The following METTL2A variants were observed in gnomAD, a reference collection of about 807,000 sequenced individuals.
METTL2A encodes methyltransferase 2A, tRNA N3-cytidine.
METTL2A carries 45 observed loss-of-function variants against 49.4 expected under a neutral mutation model. That is an observed-to-expected ratio of 0.91 (90% CI 0.72 to 1.17). The LOEUF is 1.17. METTL2A is among the 50% of genes most tolerant of loss of function. The pLI is 0.00. For missense variants in METTL2A, 361 were observed against 462.2 expected, an observed-to-expected ratio of 0.78 and a Z score of 2.01; for synonymous variants, 118 against 167.5, an observed-to-expected ratio of 0.70 and a Z score of 2.28.
chr17:62,431,973 C>T (rs1329495211), intron 4 of METTL2A, among the ~76,000 whole-genome samples: 1 of 152,182 alleles, frequency 6.6e-6, no homozygotes, highest in Non-Finnish European at 1.5e-5. Context: ...CCTGCCTCGG[C>T]CTGCCAAAGT....
intron 2 of METTL2A, 67 bp downstream of exon 2, chr17:62,424,377 G>A (rs988867066): frequency 1.2e-6 from 2 of 1,602,844 alleles, no homozygotes; most frequent in Non-Finnish European, 1.7e-6. Flanking sequence ...CTCCCGGAGA[G>A]GCCAGGGAAC....
chr17:62,444,374 G>A (rs1025604964), intron 6 of METTL2A, among the ~76,000 whole-genome samples: 6 of 152,228 alleles, frequency 3.9e-5, no homozygotes, highest in African/African-American at 1.2e-4. Flanking sequence ...CCACCTCCCA[G>A]GTTCCAGAAA....
intron 4 of METTL2A, among the ~76,000 whole-genome samples, chr17:62,433,371 T>G (rs1229489761): frequency 6.6e-6 from 1 of 150,408 alleles, no homozygotes; most frequent in Admixed American, 6.7e-5. Flanking sequence ...GAGTGGAGGT[T>G]GCAGTGAGCT....
chr17:62,423,915 T>C lies in METTL2A; in HGVS notation c.13T>C (p.Tyr5His), dbSNP rs763266862. ...CGGCTCCGGTGTCATGGCCGGCTCCTACCCTGAAGGTGCACCTGCAGTCCT... is the reference window on the plus strand; with the variant it reads ...CGGCTCCGGTGTCATGGCCGGCTCCCACCCTGAAGGTGCACCTGCAGTCCT... MAGS[Y>H]PEGAPAVLAD... Residue 5 changes from tyrosine (Y) to histidine (H), a missense_variant, in exon 1 of 9, where the codon TAC becomes CAC. By Grantham distance (83) the Tyr-to-His change is moderately conservative. Coordinates refer to ENST00000311506, the MANE Select transcript of METTL2A (RefSeq NM_181725.4). The C allele has an allele frequency of 6.2e-7, 1 of 1,612,852 alleles. No homozygotes were observed. The highest frequency in any genetic ancestry group is 1.1e-5 in the South Asian group (1 of 90,792).
At position 62,437,744 on chromosome 17, in the gene METTL2A, C is replaced by G. The variant is rs1268379922; in HGVS notation, c.669+2452C>G. On this transcript the variant is annotated intron_variant, in intron 5 of 8. Transcript: ENST00000311506. ...ATCCCAGCACTTTGGGAGGCCAAGG[C>G]CAGCGGATCACGAGGTCAGGAGTTC... Among the ~76,000 whole-genome samples, 3 of 151,926 alleles carry G rather than the reference C, an allele frequency of 2.0e-5. No individual in the cohort carries two copies. In the East Asian group the frequency reaches 5.8e-4, roughly 29 times the overall value.
intron 4 of METTL2A, chr17:62,434,731 C>T (rs2070689502): frequency 6.3e-6 from 1 of 158,366 alleles, no homozygotes; most frequent in Non-Finnish European, 1.4e-5. Context: ...ATCTTTATCT[C>T]CTCAGCATCT....
chr17:62,432,078 C>T (rs946202431), intron 4 of METTL2A, among the ~76,000 whole-genome samples: 6 of 152,124 alleles, frequency 3.9e-5, no homozygotes, highest in African/African-American at 1.2e-4. Context: ...CAGTCAACTT[C>T]AGGACATTTT....
chr17:62,426,455 A>G lies in METTL2A; in HGVS notation c.359A>G (p.Lys120Arg). 5.0e-6 allele frequency: 8 copies of G among 1,614,152 alleles called. No individual in the cohort carries two copies. The highest frequency in any genetic ancestry group is 5.9e-6 in the Non-Finnish European group (7 of 1,180,034). The change falls in exon 3 of 9, where the codon AAG (lysine) becomes AGG (arginine). Residue 120 changes from lysine (K) to arginine (R), a missense_variant. Around this residue, in one of 3 missense-constraint regions of METTL2A, gnomAD observed 150 missense variants for 170.1 expected, o/e 0.88. Transcript: ENST00000311506. Reference sequence around the variant, plus strand: ...TTGAAGGACTGGTTCTTGGAGAACAAGAGTGAAGTACCTGAATGTAGAAAC... The same window carrying G: ...TTGAAGGACTGGTTCTTGGAGAACAGGAGTGAAGTACCTGAATGTAGAAAC... ...NHLKDWFLENKSEVPECRNNE... is the reference protein window; with the variant it reads ...NHLKDWFLENRSEVPECRNNE...
chr17:62,435,027 T>C (rs2070691248), intron 4 of METTL2A: 7 of 617,414 alleles, frequency 1.1e-5, no homozygotes, highest in Middle Eastern at 3.7e-4. Context: ...ATAAACTTCA[T>C]ATTAGCTATG....
chr17:62,447,434 A>T (rs2070776478), intron 7 of METTL2A, among the ~76,000 whole-genome samples: 1 of 152,156 alleles, frequency 6.6e-6, no homozygotes, highest in Admixed American at 6.5e-5. Flanking sequence ...TAAATAAATA[A>T]ATAAAAAGTT....
Position 62,429,182 on chromosome 17 carries a change from C to T in METTL2A, c.608+1345C>T, listed in dbSNP as rs531270813. 2.4e-4 allele frequency among the ~76,000 whole-genome samples: 36 copies of T among 152,300 alleles called. No homozygotes were observed. The South Asian group carries it at 4.6e-3, about 19-fold the overall frequency. On this transcript the variant is annotated intron_variant, in intron 4 of 8. Coordinates refer to ENST00000311506, the MANE Select transcript of METTL2A (RefSeq NM_181725.4). ...TTTTCATACAACATAATCTGCATTT[C>T]TATTCAGGACATTGGTGGGTGAAGC... is the stretch of plus-strand genomic sequence containing the variant.
At chr17:62,431,984 G>A (rs2070669072) in intron 4 of METTL2A, among the ~76,000 whole-genome samples, 1 of 152,178 alleles carries the variant, frequency 6.6e-6, no homozygotes, top group Admixed American at 6.6e-5. Context: ...CTGCCAAAGT[G>A]CTGGGATTAC....
chr17:62,424,326 C>T lies in METTL2A; in HGVS notation c.202+16C>T, dbSNP rs767146643. ...GAGAAACAAGGTGCGCTTAAATGGG[C>T]TCTCATTGGTATCAACAGCCAGCGT... On this transcript the variant is annotated intron_variant, in intron 2 of 8. Coordinates refer to ENST00000311506, the MANE Select transcript of METTL2A (RefSeq NM_181725.4). The T allele has an allele frequency of 8.7e-6, 14 of 1,613,678 alleles. No individual in the cohort carries two copies. The highest frequency in any genetic ancestry group is 1.1e-5 in the Non-Finnish European group (13 of 1,179,824).
chr17:62,448,873 TCCAACCTG>T lies in METTL2A; in HGVS notation c.*145_*152del. The T allele has an allele frequency of 7.6e-7, 1 of 1,319,286 alleles. No individual in the cohort carries two copies. Among genetic ancestry groups the T allele is most frequent in the South Asian group, 1.8e-5 (1 of 55,286 alleles). 81.7% of individuals were successfully genotyped at this position (1,319,286 alleles called of 1,614,324 possible). A position where few individuals can be genotyped will look rare whatever the true frequency, so the allele number is the denominator to read the frequency against. On this transcript the variant is annotated 3_prime_UTR_variant, in exon 9 of 9. Transcript: ENST00000311506. ...GGGGAGGATCCATTGAGCCCAGCAGTCCAACCTGGGCAAAATAGTGAGAGACCCTGTAT... is the reference window on the plus strand; with the variant it reads ...GGGGAGGATCCATTGAGCCCAGCAGTGGCAAAATAGTGAGAGACCCTGTAT...
chr17:62,426,818 A>G (rs1315721440), intron 3 of METTL2A, among the ~76,000 whole-genome samples, 164 bp downstream of exon 3: 2 of 152,218 alleles, frequency 1.3e-5, no homozygotes, highest in Non-Finnish European at 2.9e-5. Context: ...AACTGATAAA[A>G]TGCCCTCAAT....
chr17:62,442,953 C>CCTTCCTCTAGAAGGCCACA (rs1222931850), intron 6 of METTL2A, among the ~76,000 whole-genome samples: 2 of 152,194 alleles, frequency 1.3e-5, no homozygotes, highest in Non-Finnish European at 1.5e-5. Flanking sequence ...GGGTGATTGA[C>CCTTCCTCTAGAAGGCCACA]CTTCCTCTAG....
intron 7 of METTL2A, among the ~76,000 whole-genome samples, chr17:62,446,458 G>A (rs2070769626): frequency 6.6e-6 from 1 of 152,098 alleles, no homozygotes; most frequent in Admixed American, 6.5e-5. Context: ...CTACAGGCAT[G>A]TGCCACCACG....
chr17:62,437,843 G>A (rs140477773), intron 5 of METTL2A, among the ~76,000 whole-genome samples: 508 of 152,148 alleles, frequency 3.3e-3, no homozygotes, highest in Non-Finnish European at 5.5e-3. Context: ...TTGGTGGCAC[G>A]CACCTGTTGT....
Position 62,448,478 on chromosome 17 carries a change from G to A in METTL2A, c.983-97G>A, listed in dbSNP as rs114288546. 779 of 1,515,312 alleles carry A rather than the reference G, an allele frequency of 5.1e-4. 3 individuals are homozygous for A. In the African/African-American group the frequency reaches 9.9e-3, roughly 19 times the overall value. 93.9% of individuals were successfully genotyped at this position (1,515,312 alleles called of 1,614,324 possible). On this transcript the variant is annotated intron_variant, in intron 8 of 8. Transcript: ENST00000311506. ...AAATGGCCATGTAAAAAACATGACA[G>A]CAACTTCCCAGAGCCCCTTTTAACA...
Sources: gnomAD v4.1 joint callset for allele counts (sites outside exome capture counted in the v4.1 genomes callset) on GRCh38, gnomAD v4.1.1 for gene constraint, gnomAD v4.1.1 regional missense constraint, MANE v1.5 for transcripts, NCBI Gene and HGNC (gene_info 2026-07-23, HGNC 2026-07-21) for gene names.